Variants in TEX11 observed in about 807,000 individuals in gnomAD.
TEX11 encodes testis expressed 11, also known as testis-expressed protein 11.
TEX11 carries 7 observed loss-of-function variants against 84.4 expected under a neutral mutation model. The ratio of observed to expected loss-of-function variants is 0.08; its 90% CI spans 0.05 to 0.16. TEX11 has a LOEUF of 0.16. Ranked by LOEUF, TEX11 falls within the 10% of genes least tolerant of loss-of-function variation. TEX11 has a pLI of 1.00. For synonymous variants in TEX11, 264 were observed against 222.8 expected (o/e 1.18, Z -1.64); for missense variants, 551 against 660.5 (o/e 0.83, Z 1.82).
intron 16 of TEX11, among the ~76,000 whole-genome samples, chrX:70,658,707 T>A (rs1287506001): frequency 9.0e-6 from 1 of 111,302 alleles, no homozygotes; most frequent in Non-Finnish European, 1.9e-5. Flanking sequence ...ACAGATTCAA[T>A]GTAATCCCTA....
At chrX:70,551,746 C>G (rs1179899412) in intron 28 of TEX11, among the ~76,000 whole-genome samples, 2 of 111,485 alleles carry the variant, frequency 1.8e-5, no homozygotes, top group South Asian at 3.8e-4. Context: ...GAATACAGGT[C>G]TTCAATGTTC....
intron 28 of TEX11, among the ~76,000 whole-genome samples, chrX:70,536,295 G>A (rs1455701977): frequency 9.2e-6 from 1 of 108,988 alleles, no homozygotes; most frequent in Non-Finnish European, 1.9e-5. Context: ...CGCTATGTTG[G>A]CCAGGCTGGT....
At chrX:70,887,573 A>G (rs753706021) in intron 2 of TEX11, among the ~76,000 whole-genome samples, 2 of 112,149 alleles carry the variant, frequency 1.8e-5, no homozygotes, top group South Asian at 7.5e-4. Flanking sequence ...CACCAGGTAG[A>G]TGTCTAAGGT....
rs751283021 is a variant in TEX11, at chrX:70,763,604, A to T, written c.693-19385T>A. On this transcript the variant is annotated intron_variant, in intron 9 of 29. Coordinates refer to ENST00000374333, the MANE Select transcript of TEX11 (RefSeq NM_031276.3). ...AAAAAAAAAACTATTGAAATAAAAT[A>T]AAAAATTAAAAAAAATAGTTATAGT... Among the ~76,000 whole-genome samples, 29 of 110,992 alleles carry T rather than the reference A, an allele frequency of 2.6e-4. No homozygotes were observed. In the East Asian group the frequency reaches 5.6e-3, roughly 22 times the overall value.
At chrX:70,642,950 T>C (rs1166140699) in intron 17 of TEX11, among the ~76,000 whole-genome samples, 1 of 42,340 alleles carries the variant, frequency 2.4e-5, no homozygotes, top group Non-Finnish European at 4.5e-5. Context: ...AAATAAAGGG[T>C]ATTCAATTAG....
chrX:70,757,602 A>G (rs1386896070), intron 9 of TEX11, among the ~76,000 whole-genome samples: 3 of 112,088 alleles, frequency 2.7e-5, no homozygotes, highest in African/African-American at 9.7e-5. Flanking sequence ...GGCCTGTCTT[A>G]TAAGAGCTCC....
intron 25 of TEX11, among the ~76,000 whole-genome samples, chrX:70,590,163 T>C (rs1423293122): frequency 8.9e-6 from 1 of 112,285 alleles, no homozygotes; most frequent in East Asian, 2.8e-4. Flanking sequence ...AGAGTTTTAC[T>C]CCCATTAAAT....
At chrX:70,782,383 A>G (rs1356081361) in intron 9 of TEX11, among the ~76,000 whole-genome samples, 1 of 111,092 alleles carries the variant, frequency 9.0e-6, no homozygotes, top group East Asian at 2.8e-4. Context: ...TGTAAAGACC[A>G]TCGATGTTAG....
intron 2 of TEX11, among the ~76,000 whole-genome samples, chrX:70,892,169 T>A (rs1244198301): frequency 7.3e-5 from 8 of 110,267 alleles, no homozygotes; most frequent in African/African-American, 1.6e-4. Context: ...TAAATAAAAA[T>A]AAATAAAATC....
At chrX:70,752,370 C>G (rs935829656) in intron 9 of TEX11, among the ~76,000 whole-genome samples, 4 of 108,361 alleles carry the variant, frequency 3.7e-5, no homozygotes, top group African/African-American at 1.3e-4. Context: ...ACCAAAAATA[C>G]AAAAATTAGC....
chrX:70,680,068 C>T (rs1264655590), intron 14 of TEX11, among the ~76,000 whole-genome samples: 1 of 51,532 alleles, frequency 1.9e-5, no homozygotes, highest in African/African-American at 6.9e-5. Context: ...GCCACCACCC[C>T]GTCTGGGAGG....
In TEX11 at chrX:70,599,012, A is replaced by G. The variant is rs779041194; in HGVS notation, c.2067+6389T>C. 4.5e-5 allele frequency among the ~76,000 whole-genome samples: 5 copies of G among 111,699 alleles called. No homozygotes were observed. In the South Asian group the frequency reaches 1.9e-3, roughly 42 times the overall value. On this transcript the variant is annotated intron_variant, in intron 24 of 29. Coordinates refer to ENST00000374333, the MANE Select transcript of TEX11 (RefSeq NM_031276.3). ...AATTCTAAGAATATTCTAAAAACCA[A>G]TAAATTGTATACCTAAGTGGGTGAA...
At chrX:70,765,642 T>C (rs1297456805) in intron 9 of TEX11, among the ~76,000 whole-genome samples, 2 of 111,306 alleles carry the variant, frequency 1.8e-5, no homozygotes, top group Non-Finnish European at 3.8e-5. Flanking sequence ...TAACTTAACA[T>C]AATAAAAGCC....
intron 2 of TEX11, among the ~76,000 whole-genome samples, chrX:70,883,497 G>A (rs190501283): frequency 2.3e-3 from 251 of 110,791 alleles, no homozygotes; most frequent in Non-Finnish European, 3.7e-3. Context: ...GAGGTGGGAG[G>A]ATCGCTTGAG....
chrX:70,893,593 T>A (rs182161959), intron 2 of TEX11, among the ~76,000 whole-genome samples: 258 of 111,712 alleles, frequency 2.3e-3, no homozygotes, highest in African/African-American at 8.1e-3. Flanking sequence ...GTGGGAAATT[T>A]ATAGTACTAA....
chrX:70,825,085 G>A (rs563995119), intron 8 of TEX11, among the ~76,000 whole-genome samples: 16 of 110,867 alleles, frequency 1.4e-4, no homozygotes, highest in Admixed American at 4.8e-4. Context: ...AGGCGGAGGC[G>A]GGCAGATCAC....
downstream of TEX11, among the ~76,000 whole-genome samples, chrX:70,526,991 A>T (rs185894305): frequency 8.9e-5 from 10 of 112,245 alleles, no homozygotes; most frequent in East Asian, 2.8e-3. Flanking sequence ...TAAAACAGGA[A>T]TCCATTAGTC....
At chrX:70,680,530 G>A (rs77477623) in intron 14 of TEX11, among the ~76,000 whole-genome samples, 3 of 90,198 alleles carry the variant, frequency 3.3e-5, no homozygotes, top group Non-Finnish European at 4.3e-5. Flanking sequence ...CTATTGTCCT[G>A]TGACCCTGCC....
At chrX:70,840,739 C>A (rs773096417) in intron 7 of TEX11, among the ~76,000 whole-genome samples, 1 of 111,613 alleles carries the variant, frequency 9.0e-6, no homozygotes, top group East Asian at 2.8e-4. Context: ...AAAGCCATCT[C>A]ATGTGCAGAG....
Sources: allele counts gnomAD v4.1 joint callset (sites outside exome capture counted in the v4.1 genomes callset), GRCh38; gene constraint gnomAD v4.1.1; transcripts MANE v1.5; gene names NCBI Gene and HGNC (gene_info 2026-07-23, HGNC 2026-07-21).